CPS1: variants seen among roughly 807,000 people sequenced by gnomAD.
CPS1 encodes the protein carbamoyl-phosphate synthase 1, also known as carbamoyl-phosphate synthase [ammonia], mitochondrial.
CPS1 carries 109 observed loss-of-function variants against 174.6 expected under a neutral mutation model. The observed-to-expected ratio is 0.62, with a 90% CI of 0.53 to 0.73. The LOEUF (loss-of-function observed/expected upper bound fraction) is 0.73, where lower values mean the gene tolerates loss of function less well. CPS1 is among the 30% of genes least tolerant of loss of function. CPS1 has a pLI of 0.00. For missense variants in CPS1, 1,689 were observed against 1,821.9 expected, an observed-to-expected ratio of 0.93 and a Z score of 1.33; for synonymous variants, 637 against 632.0, an observed-to-expected ratio of 1.01 and a Z score of -0.12.
At chr2:210,504,802 T>C (rs987042487) in intron 1 of CPS1, among the ~76,000 whole-genome samples, 8 of 152,234 alleles carry the variant, frequency 5.3e-5, no homozygotes, top group Non-Finnish European at 1.2e-4. Flanking sequence ...ACCCACTTCT[T>C]ACTGGCAGAA....
chr2:210,486,149 CACACACA>C (rs1694716261), intron 1 of CPS1, among the ~76,000 whole-genome samples: 2 of 135,348 alleles, frequency 1.5e-5, no homozygotes, highest in Admixed American at 7.9e-5. Context: ...CACACACACA[CACACACA>C]CACCCTGTAT....
At chr2:210,636,882 G>T (rs778777197) in intron 21 of CPS1, among the ~76,000 whole-genome samples, 1 of 152,122 alleles carries the variant, frequency 6.6e-6, no homozygotes, top group Non-Finnish European at 1.5e-5. Flanking sequence ...AAGGAGTAGG[G>T]GGAAAATAAG....
chr2:210,610,699 G>A (rs1180600752), intron 19 of CPS1, among the ~76,000 whole-genome samples: 2 of 151,788 alleles, frequency 1.3e-5, no homozygotes, highest in Admixed American at 6.6e-5. Context: ...AGTCTGTAGT[G>A]AGCCCTATAG....
chr2:210,589,054 A>T (rs1658423180), intron 7 of CPS1, among the ~76,000 whole-genome samples: 2 of 152,126 alleles, frequency 1.3e-5, no homozygotes, highest in East Asian at 3.9e-4. Flanking sequence ...TCTCTGGAGT[A>T]GCCCCCAACC....
intron 1 of CPS1, among the ~76,000 whole-genome samples, chr2:210,484,195 G>A (rs553953629): frequency 6.6e-5 from 10 of 152,274 alleles, no homozygotes; most frequent in African/African-American, 1.4e-4. Flanking sequence ...GAAGCATAGC[G>A]ATGAGCCAAG....
At chr2:210,558,656 C>T in intron 1 of CPS1, among the ~76,000 whole-genome samples, 1 of 151,936 alleles carries the variant, frequency 6.6e-6, no homozygotes, top group Non-Finnish European at 1.5e-5. Context: ...ACCCCAGAAA[C>T]CGCGAAATTG....
At chr2:210,479,402 C>A (rs180994048) in intron 1 of CPS1, among the ~76,000 whole-genome samples, 1 of 149,858 alleles carries the variant, frequency 6.7e-6, no homozygotes, top group Non-Finnish European at 1.5e-5. Flanking sequence ...GATCTCGGCT[C>A]ACTGCAACCT....
At chr2:210,576,581 TCAATACGGTAGTA>T in intron 3 of CPS1, 91 bp downstream of exon 3, 10 of 1,331,236 alleles carry the variant, frequency 7.5e-6, no homozygotes, top group Non-Finnish European at 9.7e-6. Context: ...ACTTTCTTCC[TCAATACGGTAGTA>T]CAAATCATTA....
At chr2:210,569,978 C>T (rs1697423556) in intron 1 of CPS1, among the ~76,000 whole-genome samples, 1 of 148,762 alleles carries the variant, frequency 6.7e-6, no homozygotes, top group South Asian at 2.1e-4. Flanking sequence ...ATGATAGTAA[C>T]AAGGTGATTT....
At chr2:210,535,429 C>A (rs1200441110) in intron 1 of CPS1, among the ~76,000 whole-genome samples, 2 of 152,150 alleles carry the variant, frequency 1.3e-5, no homozygotes, top group Non-Finnish European at 2.9e-5. Flanking sequence ...AACCTCATGA[C>A]CTCATGTTTC....
At chr2:210,570,505 A>T (rs1697439782) in intron 1 of CPS1, among the ~76,000 whole-genome samples, 1 of 151,944 alleles carries the variant, frequency 6.6e-6, no homozygotes, top group African/African-American at 2.4e-5. Flanking sequence ...AAATTCTCAG[A>T]TGAGAAAAGA....
chr2:210,674,944 C>T lies in CPS1; in HGVS notation c.4144C>T (p.His1382Tyr), dbSNP rs756686271. ...PRFLGVAEQL[H>Y]NEGFKLFATE... ...ATTCCTTGGTGTGGCTGAACAATTA[C>T]ACAATGAAGGTTTCAAGGTATGTTC... Residue 1382 changes from histidine (H) to tyrosine (Y), a missense_variant, in exon 35 of 38, where the codon CAC (histidine) becomes TAC (tyrosine). Transcript: ENST00000233072. 1.9e-6 allele frequency: 3 copies of T among 1,613,238 alleles called. No homozygotes were observed.
chr2:210,557,169 A>G (rs894843228), intron 1 of CPS1, among the ~76,000 whole-genome samples: 2 of 152,032 alleles, frequency 1.3e-5, no homozygotes, highest in African/African-American at 4.8e-5. Context: ...ACTAGATACT[A>G]TTGCTTACAG....
intron 1 of CPS1, among the ~76,000 whole-genome samples, chr2:210,524,157 T>C (rs991533619): frequency 6.6e-6 from 1 of 152,008 alleles, no homozygotes; most frequent in Non-Finnish European, 1.5e-5. Flanking sequence ...TCTTTATCTT[T>C]ATAAACCTCT....
intron 32 of CPS1, among the ~76,000 whole-genome samples, chr2:210,661,932 G>T: frequency 7.9e-6 from 1 of 126,464 alleles, no homozygotes; most frequent in East Asian, 2.5e-4. Context: ...TTGAGACGGA[G>T]TCTTGCTCTG....
At chr2:210,487,112 A>T (rs560177588) in intron 1 of CPS1, among the ~76,000 whole-genome samples, 46 of 152,194 alleles carry the variant, frequency 3.0e-4, no homozygotes, top group Non-Finnish European at 6.3e-4. Context: ...TTTTTTGGAA[A>T]TGAAGTATAA....
intron 4 of CPS1, among the ~76,000 whole-genome samples, chr2:210,578,792 G>A (rs976759141): frequency 1.2e-4 from 19 of 152,064 alleles, no homozygotes; most frequent in African/African-American, 2.4e-4. Flanking sequence ...TTCTGTAATC[G>A]TCATTTGGGA....
chr2:210,559,627 C>A (rs544334799), intron 1 of CPS1, among the ~76,000 whole-genome samples: 1 of 152,098 alleles, frequency 6.6e-6, no homozygotes, highest in Non-Finnish European at 1.5e-5. Context: ...TCCATTAGTA[C>A]TGAAAATGTT....
intron 1 of CPS1, among the ~76,000 whole-genome samples, chr2:210,507,070 A>G (rs1363796280): frequency 6.6e-6 from 1 of 152,332 alleles, no homozygotes; most frequent in East Asian, 1.9e-4. Flanking sequence ...CAAGACACAG[A>G]ATTGTCAGAT....
Sources: allele counts gnomAD v4.1 joint callset (sites outside exome capture counted in the v4.1 genomes callset), GRCh38; gene constraint gnomAD v4.1.1; transcripts MANE v1.5; gene names NCBI Gene and HGNC (gene_info 2026-07-23, HGNC 2026-07-21).